MAOA: variants seen among roughly 807,000 people sequenced by gnomAD.
The protein encoded by MAOA is monoamine oxidase A, also known as amine oxidase [flavin-containing] A.
Under a neutral mutation model 42.0 loss-of-function variants are expected in MAOA, and 6 were observed. The ratio of observed to expected loss-of-function variants is 0.14; its 90% confidence interval spans 0.08 to 0.28. MAOA has a LOEUF of 0.28. MAOA is among the 10% of genes least tolerant of loss of function. The probability of loss-of-function intolerance (pLI) is 1.00; values close to 1 mark genes in which losing one functional copy is unlikely to be tolerated. For missense variants in MAOA, 262 were observed against 422.3 expected (o/e 0.62, Z 3.33); for synonymous variants, 140 against 154.0 (o/e 0.91, Z 0.67).
At chrX:43,731,504 C>CA in intron 7 of MAOA, 114 bp downstream of exon 7, 1 of 945,263 alleles carries the variant, frequency 1.1e-6, no homozygotes, top group Non-Finnish European at 1.5e-6. Flanking sequence ...GTTTCCGCCT[C>CA]AGTCTTCCAA....
In MAOA at chrX:43,693,438, A is replaced by T. The variant is rs770557456; in HGVS notation, c.306+10A>T. ...CGTTCAATATGTCAAGGTAAGGCTG[A>T]CTTTTCACCCAAGTGACTGATAGGG... On this transcript the variant is annotated intron_variant, in intron 3 of 14. Transcript: ENST00000338702. 1 of 1,208,721 alleles carries T rather than the reference A, an allele frequency of 8.3e-7. No individual in the cohort carries two copies. Among genetic ancestry groups the T allele is most frequent in the South Asian group, 1.8e-5 (1 of 56,916 alleles).
intron 10 of MAOA, 31 bp from the exon 11 acceptor site, chrX:43,740,650 A>ATTT: frequency 7.0e-6 from 7 of 1,005,426 alleles, no homozygotes; most frequent in Admixed American, 5.4e-5. Flanking sequence ...CCCTAACTTT[A>ATTT]TTTTTTTTTT....
intron 5 of MAOA, among the ~76,000 whole-genome samples, 198 bp from the exon 6 acceptor site, chrX:43,727,975 A>G (rs965299395): frequency 8.9e-6 from 1 of 112,175 alleles, no homozygotes; most frequent in African/African-American, 3.2e-5. Context: ...TTTTCAACTC[A>G]TAATTTCTTA....
intron 2 of MAOA, among the ~76,000 whole-genome samples, chrX:43,688,330 G>C (rs181794683): frequency 9.0e-6 from 1 of 111,620 alleles, no homozygotes; most frequent in East Asian, 2.8e-4. Context: ...GCCCAGGCTG[G>C]AGTGCAGTGG....
chrX:43,687,707 A>G (rs945390871), intron 2 of MAOA, among the ~76,000 whole-genome samples: 1 of 112,576 alleles, frequency 8.9e-6, no homozygotes, highest in East Asian at 2.8e-4. Context: ...CTCAAACGTA[A>G]CACATCCAAC....
intron 3 of MAOA, among the ~76,000 whole-genome samples, chrX:43,709,406 A>ATATTTATT (rs752091106): frequency 9.0e-6 from 1 of 110,516 alleles, no homozygotes; most frequent in Admixed American, 9.7e-5. Flanking sequence ...ACTATTGAGA[A>ATATTTATT]TATTTATTTA....
At chrX:43,686,772 C>T (rs975453574) in intron 2 of MAOA, among the ~76,000 whole-genome samples, 1 of 111,457 alleles carries the variant, frequency 9.0e-6, no homozygotes, top group Non-Finnish European at 1.9e-5. Flanking sequence ...GCACTCCAGT[C>T]TGGGTGACAG....
At position 43,696,456 on chromosome X, in the gene MAOA, G is replaced by A. The variant is rs566911340; in HGVS notation, c.306+3028G>A. On this transcript the variant is annotated intron_variant, in intron 3 of 14. Transcript: ENST00000338702. The stretch of plus-strand genomic sequence containing the variant: ...ATAAAAACAAAAAAAGAGGCTAGGC[G>A]CGGTGGCTCATGCCTGTAATCCCAG... Among the ~76,000 whole-genome samples the A allele has an allele frequency of 2.4e-3, 271 of 112,496 alleles. 1 individual carries two copies. The highest frequency in any genetic ancestry group is 4.6e-3 in the Middle Eastern group (1 of 219).
At position 43,676,679 on chromosome X, in the gene MAOA, G is replaced by A. The variant is rs7882699; in HGVS notation, c.74-6834G>A. ...TTCCTGAGTGTCCACTGCATGCCAG[G>A]TACTATGCTAGGCTCTGGAGATACA... is the stretch of plus-strand genomic sequence containing the variant. On this transcript the variant is annotated intron_variant, in intron 1 of 14. Coordinates refer to ENST00000338702, the MANE Select transcript of MAOA (RefSeq NM_000240.4). Among the ~76,000 whole-genome samples, 1,113 of 111,341 alleles carry A rather than the reference G, an allele frequency of 1.0e-2. 16 individuals are homozygous for A. Among genetic ancestry groups the A allele is most frequent in the African/African-American group, 0.033 (1,025 of 30,605 alleles).
chrX:43,672,647 G>A (rs1171870030), intron 1 of MAOA, among the ~76,000 whole-genome samples: 7 of 111,766 alleles, frequency 6.3e-5, no homozygotes, highest in Admixed American at 5.7e-4. Flanking sequence ...AGAGTTTTTA[G>A]CATGAAGTGT....
At position 43,736,268 on chromosome X, in the gene MAOA, A is replaced by G. The variant is rs756748906; in HGVS notation, c.1094A>G (p.His365Arg). Residue 365 changes from histidine to arginine, a missense_variant, in exon 10 of 15, where the codon CAT becomes CGT. His to Arg is a conservative substitution (Grantham distance 29). Around this residue, in one of 3 missense-constraint regions of MAOA, gnomAD observed 86 missense variants for 190.3 expected, o/e 0.45. Coordinates refer to ENST00000338702, the MANE Select transcript of MAOA (RefSeq NM_000240.4). ...ARKADRLAKL[H>R]KEIRKKKICE... Reference sequence around the variant, plus strand: ...AAAGCTGATCGACTTGCTAAGCTACATAAGGAAATAAGGTAAGAATTTATA... The same window carrying G: ...AAAGCTGATCGACTTGCTAAGCTACGTAAGGAAATAAGGTAAGAATTTATA... 27 of 1,181,626 alleles carry G rather than the reference A, an allele frequency of 2.3e-5. No homozygotes were observed. Among genetic ancestry groups the G allele is most frequent in the Non-Finnish European group, 2.5e-5 (22 of 873,283 alleles).
intron 1 of MAOA, among the ~76,000 whole-genome samples, chrX:43,666,018 G>A (rs2033274585): frequency 8.9e-6 from 1 of 111,945 alleles, no homozygotes. Context: ...ACATGCCACC[G>A]TATCCTTGTC....
At chrX:43,720,663 C>T (rs2033781662) in intron 5 of MAOA, among the ~76,000 whole-genome samples, 1 of 108,861 alleles carries the variant, frequency 9.2e-6, no homozygotes, top group Non-Finnish European at 1.9e-5. Context: ...AGGATGATAT[C>T]TGCCTCTAAT....
At chrX:43,738,281 C>T (rs1428505630) in intron 10 of MAOA, among the ~76,000 whole-genome samples, 1 of 111,885 alleles carries the variant, frequency 8.9e-6, no homozygotes, top group Non-Finnish European at 1.9e-5. Context: ...GTTTTAACAT[C>T]CTTGCCTTAC....
At position 43,723,578 on chromosome X, in the gene MAOA, A is replaced by G. The variant is rs771241385; in HGVS notation, c.504-4595A>G. On this transcript the variant is annotated intron_variant, in intron 5 of 14. Transcript: ENST00000338702. ...TGAAGTTGCTTATCAACTTAAGGAG[A>G]TTTTGGGCTGAGACGATGGGGCTTT... Among the ~76,000 whole-genome samples the G allele has an allele frequency of 1.8e-3, 205 of 111,591 alleles. 1 individual carries two copies. The highest frequency in any genetic ancestry group is 3.3e-3 in the Non-Finnish European group (177 of 53,043).
intron 2 of MAOA, among the ~76,000 whole-genome samples, chrX:43,687,981 C>T (rs1245204337): frequency 1.8e-5 from 2 of 112,315 alleles, no homozygotes; most frequent in African/African-American, 6.5e-5. Flanking sequence ...TTACTCCTGC[C>T]GCCTACATTC....
chrX:43,672,501 A>G (rs1355457298), intron 1 of MAOA, among the ~76,000 whole-genome samples: 2 of 111,364 alleles, frequency 1.8e-5, no homozygotes, highest in Non-Finnish European at 3.8e-5. Context: ...GTGGTGAGAG[A>G]GGGCATCCCT....
intron 3 of MAOA, among the ~76,000 whole-genome samples, chrX:43,702,232 A>G (rs1232460335): frequency 8.9e-6 from 1 of 112,167 alleles, no homozygotes; most frequent in Non-Finnish European, 1.9e-5. Flanking sequence ...GTGCAGACTC[A>G]AACCTTTTTC....
intron 1 of MAOA, chrX:43,657,942 A>G (rs749865184): frequency 8.7e-5 from 65 of 749,648 alleles, no homozygotes; most frequent in East Asian, 1.5e-4. Context: ...ATGTTGGAGC[A>G]TCAGAGGAAA....
Sources: gnomAD v4.1 joint callset for allele counts (sites outside exome capture counted in the v4.1 genomes callset) on GRCh38, gnomAD v4.1.1 for gene constraint, gnomAD v4.1.1 regional missense constraint, MANE v1.5 for transcripts, NCBI Gene and HGNC (gene_info 2026-07-23, HGNC 2026-07-21) for gene names.